Variants in CATSPERB observed in about 807,000 individuals in gnomAD.
CATSPERB encodes catsper channel auxiliary subunit beta, also known as cation channel sperm-associated auxiliary subunit beta.
In CATSPERB, 93 loss-of-function variants were observed where a neutral mutation model predicts 128.3. The ratio of observed to expected loss-of-function variants is 0.72; its 90% confidence interval spans 0.61 to 0.86. The LOEUF is 0.86. CATSPERB is among the 40% of genes least tolerant of loss of function. The probability of loss-of-function intolerance (pLI) is 0.00; values close to 1 mark genes in which losing one functional copy is unlikely to be tolerated. For synonymous variants in CATSPERB, 381 were observed against 448.8 expected, an observed-to-expected ratio of 0.85 and a Z score of 1.91; for missense variants, 1,153 against 1,329.5, an observed-to-expected ratio of 0.87 and a Z score of 2.06.
At chr14:91,614,619 G>T (rs1893900736) in intron 20 of CATSPERB, among the ~76,000 whole-genome samples, 1 of 151,632 alleles carries the variant, frequency 6.6e-6, no homozygotes, top group Admixed American at 6.6e-5. Context: ...TGGGCAACAT[G>T]GTAAAACTCC....
chr14:91,665,306 C>T (rs1360464450), intron 14 of CATSPERB, among the ~76,000 whole-genome samples: 4 of 152,072 alleles, frequency 2.6e-5, no homozygotes, highest in Non-Finnish European at 5.9e-5. Flanking sequence ...ATCCATGCGC[C>T]CTAGGAATTC....
chr14:91,710,990 T>C (rs967529009), intron 5 of CATSPERB, among the ~76,000 whole-genome samples: 1 of 152,184 alleles, frequency 6.6e-6, no homozygotes. Flanking sequence ...ATTCTGGATG[T>C]AGCATATACC....
chr14:91,714,383 A>G (rs1895900267), intron 5 of CATSPERB, among the ~76,000 whole-genome samples: 1 of 151,976 alleles, frequency 6.6e-6, no homozygotes, highest in Non-Finnish European at 1.5e-5. Context: ...CATGTAGAAA[A>G]TCCTAAAGAA....
chr14:91,613,764 A>C (rs1450475645), intron 20 of CATSPERB, among the ~76,000 whole-genome samples: 1 of 152,206 alleles, frequency 6.6e-6, no homozygotes, highest in Non-Finnish European at 1.5e-5. Context: ...GATGACAAGC[A>C]CCGCACTCCT....
intron 20 of CATSPERB, among the ~76,000 whole-genome samples, chr14:91,613,817 T>C (rs1893883033): frequency 6.6e-6 from 1 of 152,166 alleles, no homozygotes; most frequent in Non-Finnish European, 1.5e-5. Flanking sequence ...ATTATAATAC[T>C]AAAAAGCACA....
chr14:91,654,668 G>A (rs1371216498), intron 15 of CATSPERB, among the ~76,000 whole-genome samples: 1 of 152,162 alleles, frequency 6.6e-6, no homozygotes, highest in Non-Finnish European at 1.5e-5. Context: ...AGCTGGGGCT[G>A]GGGGCAACTC....
At chr14:91,670,986 G>A (rs1895078810) in intron 13 of CATSPERB, among the ~76,000 whole-genome samples, 1 of 152,054 alleles carries the variant, frequency 6.6e-6, no homozygotes, top group Non-Finnish European at 1.5e-5. Flanking sequence ...CTGGGTGACA[G>A]GGACCCTGTC....
intron 18 of CATSPERB, 102 bp downstream of exon 18, chr14:91,624,718 T>G: frequency 4.8e-6 from 4 of 836,478 alleles, no homozygotes; most frequent in Non-Finnish European, 6.9e-6. Context: ...GGACTAAAAT[T>G]TGAAATCTAT....
chr14:91,591,822 C>T (rs918647922), intron 23 of CATSPERB, 70 bp downstream of exon 23: 38 of 1,042,370 alleles, frequency 3.6e-5, no homozygotes, highest in Non-Finnish European at 5.6e-5. Flanking sequence ...CATGTTTAAC[C>T]TAAAGGCACA....
At chr14:91,602,895 GTCA>G (rs750170890) in intron 22 of CATSPERB, among the ~76,000 whole-genome samples, 8 of 152,020 alleles carry the variant, frequency 5.3e-5, no homozygotes, top group Admixed American at 2.0e-4. Context: ...CAGCATCATT[GTCA>G]TCATCATCAT....
chr14:91,652,539 C>T (rs982425559), intron 15 of CATSPERB, among the ~76,000 whole-genome samples: 4 of 150,266 alleles, frequency 2.7e-5, no homozygotes, highest in Admixed American at 6.6e-5. Flanking sequence ...GGCATGGTGG[C>T]GGGTATCTGT....
chr14:91,647,990 C>T (rs192346683), intron 15 of CATSPERB, among the ~76,000 whole-genome samples: 101 of 152,302 alleles, frequency 6.6e-4, no homozygotes, highest in Non-Finnish European at 1.3e-3. Context: ...CTGTGTTCTA[C>T]GGATGATGTT....
chr14:91,627,742 A>C (rs186538040), intron 17 of CATSPERB, among the ~76,000 whole-genome samples: 225 of 152,318 alleles, frequency 1.5e-3, no homozygotes, highest in Non-Finnish European at 2.5e-3. Flanking sequence ...CTGAGGCAGG[A>C]GGGTTGCTTG....
chr14:91,613,652 G>GA (rs540596600), intron 20 of CATSPERB, among the ~76,000 whole-genome samples: 8 of 151,926 alleles, frequency 5.3e-5, no homozygotes, highest in African/African-American at 1.4e-4. Flanking sequence ...TGACAGCAAA[G>GA]AAAAAAAACA....
At chr14:91,721,678 T>C (rs552980338) in intron 4 of CATSPERB, among the ~76,000 whole-genome samples, 46 of 151,780 alleles carry the variant, frequency 3.0e-4, no homozygotes, top group African/African-American at 1.1e-3. Flanking sequence ...TGAAACCCTG[T>C]TCTCTACTAA....
chr14:91,727,012 G>A (rs1192510195), intron 2 of CATSPERB, among the ~76,000 whole-genome samples: 1 of 152,156 alleles, frequency 6.6e-6, no homozygotes, highest in East Asian at 1.9e-4. Flanking sequence ...CCCAGATAGG[G>A]AACAGGGAAG....
intron 14 of CATSPERB, among the ~76,000 whole-genome samples, chr14:91,664,305 A>G (rs1743081): frequency 0.62 from 83,610 of 135,804 alleles, 25,546 homozygotes; most frequent in Middle Eastern, 0.71. Flanking sequence ...TCACTCAATC[A>G]CCCAGGCTGG....
At position 91,703,984 on chromosome 14, in the gene CATSPERB, G is replaced by C. The variant is rs548029406; in HGVS notation, c.616+568C>G. 2.6e-5 allele frequency among the ~76,000 whole-genome samples: 4 copies of C among 152,232 alleles called. No homozygotes were observed. In the South Asian group the frequency reaches 8.3e-4, roughly 32 times the overall value. ...CCTTAATCTGTTGTTGGCTGGAGAG[G>C]GGGGTCTGTGCTAACTCCAGATAGC... On this transcript the variant is annotated intron_variant, in intron 7 of 26. Coordinates refer to ENST00000256343, the MANE Select transcript of CATSPERB (RefSeq NM_024764.4).
intron 20 of CATSPERB, among the ~76,000 whole-genome samples, chr14:91,613,810 A>C (rs1893882940): frequency 6.6e-6 from 1 of 152,184 alleles, no homozygotes; most frequent in South Asian, 2.1e-4. Flanking sequence ...TTTGCTCATT[A>C]TAATACTAAA....
Sources: allele counts gnomAD v4.1 joint callset (sites outside exome capture counted in the v4.1 genomes callset), GRCh38; gene constraint gnomAD v4.1.1; transcripts MANE v1.5; gene names NCBI Gene and HGNC (gene_info 2026-07-23, HGNC 2026-07-21).